The following TRIP11 variants were observed in gnomAD, a reference collection of about 807,000 sequenced individuals.
TRIP11 encodes the protein thyroid receptor-interacting protein 11.
In TRIP11, 148 loss-of-function variants were observed where a neutral mutation model predicts 223.1. The ratio of observed to expected loss-of-function variants is 0.66; its 90% CI spans 0.58 to 0.76. TRIP11 has a LOEUF of 0.76. Ranked by LOEUF, TRIP11 falls within the 30% of genes least tolerant of loss-of-function variation. The pLI is 0.00. For synonymous variants in TRIP11, 762 were observed against 772.6 expected (o/e 0.99, Z 0.23); for missense variants, 2,043 against 2,222.0 (o/e 0.92, Z 1.62).
intron 2 of TRIP11, 119 bp from the exon 3 acceptor site, chr14:92,025,539 T>C: frequency 1.4e-6 from 1 of 706,122 alleles, no homozygotes; most frequent in East Asian, 2.7e-5. Context: ...ATATAAAAGG[T>C]CTCGGACAGA....
intron 1 of TRIP11, among the ~76,000 whole-genome samples, chr14:92,034,980 G>C (rs2057308285): frequency 6.6e-6 from 1 of 151,680 alleles, no homozygotes; most frequent in Admixed American, 6.6e-5. Context: ...GAGCCCAGCA[G>C]TGTCAACATG....
intron 18 of TRIP11, 66 bp downstream of exon 18, chr14:91,975,106 G>A (rs2056447462): frequency 7.2e-6 from 10 of 1,379,892 alleles, no homozygotes; most frequent in South Asian, 2.3e-5. Context: ...GTAAAAGGAA[G>A]TAATTGTCTA....
At position 92,015,833 on chromosome 14, in the gene TRIP11, A is replaced by G. The variant is rs886050908; in HGVS notation, c.686T>C (p.Ile229Thr). Residue 229 changes from isoleucine to threonine, a missense_variant, in exon 6 of 21, where the codon ATT becomes ACT. Transcript: ENST00000267622. ...KELKQNRSQE[I>T]DDHQHEMSVL... ...TGACATTTCATGTTGATGGTCATCAATTTCCTGACTTCGGTTCTGTTTTAG... is the reference window on the plus strand; with the variant it reads ...TGACATTTCATGTTGATGGTCATCAGTTTCCTGACTTCGGTTCTGTTTTAG... 8.7e-6 allele frequency: 14 copies of G among 1,612,514 alleles called. No homozygotes were observed. In the Admixed American group the frequency reaches 2.0e-4, roughly 23 times the overall value.
intron 5 of TRIP11, among the ~76,000 whole-genome samples, chr14:92,016,250 C>T (rs2057033910): frequency 6.6e-6 from 1 of 152,198 alleles, no homozygotes; most frequent in Non-Finnish European, 1.5e-5. Flanking sequence ...TCTCACTCAG[C>T]CTTTCCTTTC....
intron 5 of TRIP11, among the ~76,000 whole-genome samples, chr14:92,016,374 A>C (rs936905022): frequency 4.6e-5 from 7 of 152,082 alleles, no homozygotes; most frequent in African/African-American, 1.7e-4. Flanking sequence ...GACTAGGGAA[A>C]CTGGTTTGAC....
chr14:92,035,589 T>A lies in TRIP11; in HGVS notation c.140-2336A>T, dbSNP rs140023042. ...TTTTTATTTATTTATTTATTTATTTTTTTTTTGAGACAGAGTCTCGCTCTG... is the reference window on the plus strand; with the variant it reads ...TTTTTATTTATTTATTTATTTATTTATTTTTTGAGACAGAGTCTCGCTCTG... On this transcript the variant is annotated intron_variant, in intron 1 of 20. Coordinates refer to ENST00000267622, the MANE Select transcript of TRIP11 (RefSeq NM_004239.4). Among the ~76,000 whole-genome samples the A allele has an allele frequency of 4.7e-3, 703 of 148,676 alleles. 6 individuals are homozygous for A. The highest frequency in any genetic ancestry group is 0.016 in the African/African-American group (636 of 40,184).
intron 3 of TRIP11, 104 bp downstream of exon 3, chr14:92,025,206 T>G (rs2057165993): frequency 5.7e-6 from 5 of 871,138 alleles, no homozygotes; most frequent in Non-Finnish European, 9.1e-6. Flanking sequence ...CACCTTTTCA[T>G]ATTTTTACAG....
At position 92,031,440 on chromosome 14, in the gene TRIP11, G is replaced by A. The variant is rs182233052; in HGVS notation, c.201+1752C>T. Among the ~76,000 whole-genome samples the A allele has an allele frequency of 2.2e-4, 33 of 152,182 alleles. No homozygotes were observed. In the East Asian group the frequency reaches 4.6e-3, roughly 21 times the overall value. ...AAATCTTTAAAAATTAGCTGGGTGC[G>A]GTGTTGCATGCCTGTGGTACCAGCT... On this transcript the variant is annotated intron_variant, in intron 2 of 20. Transcript: ENST00000267622.
intron 15 of TRIP11, among the ~76,000 whole-genome samples, chr14:91,989,441 A>G (rs1025796554): frequency 1.3e-5 from 2 of 151,388 alleles, no homozygotes; most frequent in Non-Finnish European, 2.9e-5. Context: ...ATTCTCAAAT[A>G]TATCCTGGGC....
rs148788333 is a variant in TRIP11 at position 91,969,609 on chromosome 14, A to G, written c.*64T>C. 1.3e-6 allele frequency: 2 copies of G among 1,518,740 alleles called. No homozygotes were observed. Among genetic ancestry groups the G allele is most frequent in the Admixed American group, 1.7e-5 (1 of 59,832 alleles). The allele number at this position is 1,518,740 out of a possible 1,614,324, so 94.1% of individuals were successfully genotyped here. The stretch of plus-strand genomic sequence containing the variant: ...CTCCCCAAAGGCCACTTTGTGATAA[A>G]GTACATACATATAGTGTTCATGGTT... On this transcript the variant is annotated 3_prime_UTR_variant, in exon 21 of 21. Coordinates refer to ENST00000267622, the MANE Select transcript of TRIP11 (RefSeq NM_004239.4).
chr14:92,016,162 T>C (rs143639718), intron 5 of TRIP11, among the ~76,000 whole-genome samples: 7 of 152,298 alleles, frequency 4.6e-5, no homozygotes, highest in African/African-American at 1.7e-4. Flanking sequence ...AACTTCTCCT[T>C]TTCCTAATGA....
At chr14:91,994,448 T>C (rs1163512855) in intron 14 of TRIP11, among the ~76,000 whole-genome samples, 1 of 152,080 alleles carries the variant, frequency 6.6e-6, no homozygotes, top group African/African-American at 2.4e-5. Flanking sequence ...TTCACCACAT[T>C]GGCCAGGCTG....
chr14:91,976,044 G>A, intron 17 of TRIP11, 64 bp downstream of exon 17: 1 of 1,462,494 alleles, frequency 6.8e-7, no homozygotes, highest in Non-Finnish European at 9.4e-7. Context: ...ACATTTAGAA[G>A]TTTTTTTTTA....
chr14:92,026,254 A>G (rs1056026227), intron 2 of TRIP11, among the ~76,000 whole-genome samples: 3 of 152,354 alleles, frequency 2.0e-5, no homozygotes, highest in East Asian at 3.9e-4. Context: ...AAAAAAGTTA[A>G]AAGTACACAA....
At chr14:92,014,665 G>T in intron 6 of TRIP11, 88 bp from the exon 7 acceptor site, 1 of 1,401,744 alleles carries the variant, frequency 7.1e-7, no homozygotes, top group South Asian at 1.4e-5. Flanking sequence ...ATATAAGACA[G>T]TTCAGAATTT....
intron 3 of TRIP11, among the ~76,000 whole-genome samples, chr14:92,022,601 C>A (rs1005299823): frequency 6.6e-5 from 10 of 152,118 alleles, no homozygotes; most frequent in African/African-American, 2.4e-4. Flanking sequence ...TACCAAAATG[C>A]CACATCCATT....
chr14:91,990,128 C>A (rs1480337403), intron 15 of TRIP11, among the ~76,000 whole-genome samples: 1 of 152,154 alleles, frequency 6.6e-6, no homozygotes, highest in Non-Finnish European at 1.5e-5. Context: ...TATACATACA[C>A]ACCCTACTGA....
At chr14:91,986,233 AAATATTCTACT>A (rs1192426413) in intron 16 of TRIP11, among the ~76,000 whole-genome samples, 1 of 152,198 alleles carries the variant, frequency 6.6e-6, no homozygotes, top group East Asian at 1.9e-4. Context: ...GAACATCTGA[AAATATTCTACT>A]AGTGGGGGCT....
At chr14:91,988,447 G>A (rs930940311) in intron 15 of TRIP11, 64 bp from the exon 16 acceptor site, 6 of 1,422,250 alleles carry the variant, frequency 4.2e-6, no homozygotes, top group Non-Finnish European at 5.9e-6. Context: ...ATAAGGCTGA[G>A]AGACATCTTA....
Sources: gnomAD v4.1 joint callset for allele counts (sites outside exome capture counted in the v4.1 genomes callset) on GRCh38, gnomAD v4.1.1 for gene constraint, MANE v1.5 for transcripts, NCBI Gene and HGNC (gene_info 2026-07-23, HGNC 2026-07-21) for gene names.